Variants in ATF6 observed in about 807,000 individuals in gnomAD.
The protein encoded by ATF6 is cyclic AMP-dependent transcription factor ATF-6 alpha.
ATF6 carries 53 observed loss-of-function variants against 83.6 expected under a neutral mutation model. The ratio of observed to expected loss-of-function variants is 0.63; its 90% CI spans 0.51 to 0.80. The LOEUF (loss-of-function observed/expected upper bound fraction) is 0.80, where lower values mean the gene tolerates loss of function less well. Ranked by LOEUF, ATF6 falls within the 30% of genes least tolerant of loss-of-function variation. The pLI, the probability that ATF6 is intolerant of heterozygous loss-of-function variation, is 0.00. For missense variants in ATF6, 744 were observed against 797.9 expected, an observed-to-expected ratio of 0.93 and a Z score of 0.81; for synonymous variants, 288 against 285.8, an observed-to-expected ratio of 1.01 and a Z score of -0.08.
intron 9 of ATF6, among the ~76,000 whole-genome samples, chr1:161,833,721 A>G (rs1686134796): frequency 2.6e-5 from 4 of 152,216 alleles, no homozygotes; most frequent in African/African-American, 9.6e-5. Flanking sequence ...GAATAAAAAG[A>G]AACGAACAAA....
chr1:161,851,421 T>C (rs898174127), intron 10 of ATF6, among the ~76,000 whole-genome samples: 8 of 152,216 alleles, frequency 5.3e-5, no homozygotes, highest in Non-Finnish European at 1.0e-4. Context: ...AGCAGCATTG[T>C]GCATGTCTTA....
At chr1:161,771,681 A>C (rs1684392674) in intron 1 of ATF6, among the ~76,000 whole-genome samples, 1 of 152,006 alleles carries the variant, frequency 6.6e-6, no homozygotes, top group Admixed American at 6.6e-5. Flanking sequence ...TGGAGCAATC[A>C]CAGCTCACTG....
chr1:161,948,020 C>T (rs925397184), intron 15 of ATF6, among the ~76,000 whole-genome samples: 58 of 151,868 alleles, frequency 3.8e-4, no homozygotes, highest in African/African-American at 1.4e-3. Context: ...GACAGGGCTT[C>T]GCCACATTGG....
chr1:161,886,104 G>T (rs1323573783), intron 14 of ATF6, among the ~76,000 whole-genome samples: 5 of 152,162 alleles, frequency 3.3e-5, no homozygotes, highest in African/African-American at 7.2e-5. Context: ...GATGAGTAGG[G>T]TAGAGAGTAG....
intron 4 of ATF6, among the ~76,000 whole-genome samples, chr1:161,790,903 T>C (rs1684860553): frequency 6.6e-6 from 1 of 152,178 alleles, no homozygotes; most frequent in African/African-American, 2.4e-5. Flanking sequence ...AAAGGCAGTA[T>C]TACAAAATAG....
At chr1:161,949,005 C>T (rs1471595171) in intron 15 of ATF6, among the ~76,000 whole-genome samples, 1 of 152,166 alleles carries the variant, frequency 6.6e-6, no homozygotes, top group African/African-American at 2.4e-5. Context: ...AGACTGGTCT[C>T]CACCCTGTAC....
At position 161,912,297 on chromosome 1, in the gene ATF6, A is replaced by C; in HGVS notation, c.1721A>C (p.Asp574Ala). The C allele has an allele frequency of 6.2e-7, 1 of 1,601,410 alleles. No individual in the cohort carries two copies. The highest frequency in any genetic ancestry group is 8.5e-7 in the Non-Finnish European group (1 of 1,174,278). ...CAGATTGTTCTTTGTTAATTTTAGG[A>C]TCACCTGCTGTTACCAGCTACCACC... ...DTFYVVSFRR[D>A]HLLLPATTHN... Residue 574 changes from aspartate (D) to alanine (A), a missense_variant and splice_region_variant, in exon 15 of 16, where the codon GAT becomes GCT. Asp to Ala is a moderately radical substitution (Grantham distance 126). Coordinates refer to ENST00000367942, the MANE Select transcript of ATF6 (RefSeq NM_007348.4).
At chr1:161,930,900 T>C (rs1688418647) in intron 15 of ATF6, among the ~76,000 whole-genome samples, 1 of 152,270 alleles carries the variant, frequency 6.6e-6, no homozygotes, top group Non-Finnish European at 1.5e-5. Context: ...ATTTTTTTTT[T>C]TTTTCCCCTG....
chr1:161,863,338 C>A, intron 14 of ATF6, 26 bp downstream of exon 14: 1 of 1,488,332 alleles, frequency 6.7e-7, no homozygotes, highest in Non-Finnish European at 9.4e-7. Context: ...AAGAATAGAG[C>A]AAATATTTTT....
intron 15 of ATF6, among the ~76,000 whole-genome samples, chr1:161,936,566 T>C (rs1688540223): frequency 6.6e-6 from 1 of 152,246 alleles, no homozygotes; most frequent in South Asian, 2.1e-4. Flanking sequence ...ATTTTACATT[T>C]TGACATATTA....
At chr1:161,912,529 T>G in intron 15 of ATF6, 149 bp downstream of exon 15, 2 of 481,190 alleles carry the variant, frequency 4.2e-6, no homozygotes, top group Non-Finnish European at 7.0e-6. Context: ...GTTTTATTAT[T>G]TTTAAGATCC....
At chr1:161,949,983 A>G (rs1420404657) in intron 15 of ATF6, among the ~76,000 whole-genome samples, 1 of 152,238 alleles carries the variant, frequency 6.6e-6, no homozygotes, top group Non-Finnish European at 1.5e-5. Flanking sequence ...TTCTGACTGC[A>G]TATAAGAGAA....
intron 9 of ATF6, among the ~76,000 whole-genome samples, chr1:161,835,997 T>G (rs1349221368): frequency 6.6e-6 from 1 of 152,112 alleles, no homozygotes; most frequent in African/African-American, 2.4e-5. Flanking sequence ...CTGGAATCTT[T>G]ATAGTTTGAG....
intron 6 of ATF6, among the ~76,000 whole-genome samples, chr1:161,796,488 A>G (rs1685024784): frequency 1.3e-5 from 2 of 152,202 alleles, no homozygotes; most frequent in African/African-American, 4.8e-5. Flanking sequence ...TAGTAGCTTT[A>G]TGGCATTTTG....
chr1:161,911,413 C>G (rs1300268197), intron 14 of ATF6, among the ~76,000 whole-genome samples: 1 of 152,182 alleles, frequency 6.6e-6, no homozygotes, highest in African/African-American at 2.4e-5. Flanking sequence ...GATGTATATA[C>G]ATTTTTCAAA....
chr1:161,801,896 C>T (rs184878951), intron 6 of ATF6, among the ~76,000 whole-genome samples, 156 bp from the exon 7 acceptor site: 6 of 152,236 alleles, frequency 3.9e-5, no homozygotes, highest in Admixed American at 2.0e-4. Flanking sequence ...TCACCATAAG[C>T]GTGTGCTGCT....
intron 14 of ATF6, among the ~76,000 whole-genome samples, chr1:161,898,166 A>G (rs543171109): frequency 8.5e-5 from 13 of 152,210 alleles, no homozygotes; most frequent in Admixed American, 3.3e-4. Flanking sequence ...TTACAGTGCA[A>G]CTTGGTCTTG....
chr1:161,866,711 T>C (rs978211072), intron 14 of ATF6, among the ~76,000 whole-genome samples: 9 of 152,210 alleles, frequency 5.9e-5, no homozygotes, highest in Non-Finnish European at 1.3e-4. Context: ...GATACATTAA[T>C]AAGAAAAAAA....
chr1:161,854,488 T>G (rs1686712889), intron 12 of ATF6, among the ~76,000 whole-genome samples: 1 of 152,266 alleles, frequency 6.6e-6, no homozygotes, highest in South Asian at 2.1e-4. Context: ...TGGGATCATG[T>G]ATCTTTCTGT....
Sources: allele counts gnomAD v4.1 joint callset (sites outside exome capture counted in the v4.1 genomes callset), GRCh38; gene constraint gnomAD v4.1.1; transcripts MANE v1.5; gene names NCBI Gene and HGNC (gene_info 2026-07-23, HGNC 2026-07-21).